The following MTA3 variants were observed in gnomAD, a reference collection of about 807,000 sequenced individuals.
MTA3 encodes metastasis associated 1 family member 3, also known as metastasis-associated protein MTA3.
A neutral mutation model predicts 83.5 loss-of-function variants in MTA3; 34 were observed. The ratio of observed to expected loss-of-function variants is 0.41; its 90% CI spans 0.31 to 0.54. The LOEUF is 0.54. MTA3 is among the 20% of genes least tolerant of loss of function. The probability of loss-of-function intolerance (pLI) is 0.33; values close to 1 mark genes in which losing one functional copy is unlikely to be tolerated. For missense variants in MTA3, 761 were observed against 726.4 expected (o/e 1.05, Z -0.55); for synonymous variants, 303 against 252.7 (o/e 1.20, Z -1.89).
At chr2:42,678,921 A>T (rs926636664) in intron 8 of MTA3, among the ~76,000 whole-genome samples, 8 of 152,142 alleles carry the variant, frequency 5.3e-5, no homozygotes, top group Admixed American at 2.0e-4. Context: ...AAGCTATTTT[A>T]AAAAAATACA....
At chr2:42,501,035 C>T (rs1274797363) in intron 2 of MTA3, among the ~76,000 whole-genome samples, 1 of 152,128 alleles carries the variant, frequency 6.6e-6, no homozygotes, top group Non-Finnish European at 1.5e-5. Context: ...TGATCTCCAT[C>T]TCCTGACCTC....
At chr2:42,533,669 T>C (rs1342933793) in intron 2 of MTA3, among the ~76,000 whole-genome samples, 1 of 149,870 alleles carries the variant, frequency 6.7e-6, no homozygotes, top group Non-Finnish European at 1.5e-5. Flanking sequence ...CCGTCTCTAC[T>C]AAAAATACAA....
chr2:42,594,730 T>TATA (rs1558473027), intron 3 of MTA3, among the ~76,000 whole-genome samples: 1 of 14,046 alleles, frequency 7.1e-5, no homozygotes, highest in Non-Finnish European at 1.3e-4. Flanking sequence ...ATATATATAT[T>TATA]TTTTTTTTTT....
chr2:42,605,789 C>T (rs1381399201), intron 3 of MTA3, among the ~76,000 whole-genome samples: 3 of 116,422 alleles, frequency 2.6e-5, no homozygotes, highest in African/African-American at 6.7e-5. Context: ...AAGGGGCGGC[C>T]GGGCAGAGGC....
chr2:42,506,214 G>A (rs551816614), intron 2 of MTA3, among the ~76,000 whole-genome samples: 4 of 152,324 alleles, frequency 2.6e-5, no homozygotes, highest in African/African-American at 9.6e-5. Context: ...GGAGGCTGAG[G>A]CAGAAGAATT....
At chr2:42,644,870 C>G (rs2104317711) in intron 6 of MTA3, among the ~76,000 whole-genome samples, 1 of 152,260 alleles carries the variant, frequency 6.6e-6, no homozygotes, top group Middle Eastern at 3.4e-3. Context: ...TGTCCCTTCC[C>G]TGCCTCTTTC....
At chr2:42,687,131 A>G (rs1692449491) in intron 9 of MTA3, among the ~76,000 whole-genome samples, 1 of 152,104 alleles carries the variant, frequency 6.6e-6, no homozygotes, top group Admixed American at 6.6e-5. Context: ...TGTCTCCACA[A>G]ACAAACAAAA....
chr2:42,619,816 T>G (rs1348133736), intron 4 of MTA3, among the ~76,000 whole-genome samples: 1 of 152,218 alleles, frequency 6.6e-6, no homozygotes, highest in Non-Finnish European at 1.5e-5. Flanking sequence ...ACCTTTTTTC[T>G]GTGTTGATTT....
intron 14 of MTA3, among the ~76,000 whole-genome samples, chr2:42,711,768 A>G (rs971804003): frequency 2.2e-4 from 9 of 41,288 alleles, no homozygotes; most frequent in Admixed American, 1.4e-3. Context: ...CTGGGAGTGT[A>G]TAGGAGAGAG....
intron 14 of MTA3, among the ~76,000 whole-genome samples, chr2:42,710,933 G>C (rs1666552722): frequency 6.6e-6 from 1 of 151,936 alleles, no homozygotes; most frequent in African/African-American, 2.4e-5. Context: ...TCAAAAATTA[G>C]CCAGGCATGG....
chr2:42,744,538 C>T (rs935467229), intron 16 of MTA3, among the ~76,000 whole-genome samples: 2 of 152,102 alleles, frequency 1.3e-5, no homozygotes, highest in African/African-American at 4.8e-5. Flanking sequence ...CCCTCTGTTC[C>T]CCTTTCCCCC....
chr2:42,613,223 A>G (rs1293092483), intron 4 of MTA3, among the ~76,000 whole-genome samples: 1 of 152,250 alleles, frequency 6.6e-6, no homozygotes, highest in Non-Finnish European at 1.5e-5. Flanking sequence ...GGAGCTTAAT[A>G]AGTGCTTGAT....
intron 8 of MTA3, among the ~76,000 whole-genome samples, chr2:42,666,716 A>G (rs183496400): frequency 6.6e-6 from 1 of 152,212 alleles, no homozygotes; most frequent in East Asian, 1.9e-4. Context: ...TTCCCTGCAT[A>G]CCAGCTTGTT....
intron 3 of MTA3, among the ~76,000 whole-genome samples, chr2:42,592,912 A>C (rs1681205566): frequency 6.6e-6 from 1 of 151,982 alleles, no homozygotes; most frequent in Admixed American, 6.6e-5. Context: ...CCACTTGGGG[A>C]GGCTGAGGTG....
At chr2:42,611,258 T>C (rs1534760) in intron 4 of MTA3, among the ~76,000 whole-genome samples, 115,989 of 151,598 alleles carry the variant, frequency 0.77, 44,918 homozygotes, top group South Asian at 0.88. Context: ...GCTGGGATTA[T>C]AGGTGTGAGC....
chr2:42,703,562 G>A (rs894155464), intron 11 of MTA3: 8 of 152,240 alleles, frequency 5.3e-5, no homozygotes, highest in Admixed American at 1.3e-4. Flanking sequence ...TTATTTTCTC[G>A]GGAGAATTTA....
intron 4 of MTA3, among the ~76,000 whole-genome samples, chr2:42,614,934 GAC>G (rs758593927): frequency 3.2e-4 from 48 of 150,534 alleles, no homozygotes; most frequent in Non-Finnish European, 4.7e-4. Flanking sequence ...CCATGATTGT[GAC>G]ACTGTACTTT....
chr2:42,750,226 T>C (rs552684950), intron 16 of MTA3, among the ~76,000 whole-genome samples: 1 of 152,214 alleles, frequency 6.6e-6, no homozygotes, highest in South Asian at 2.1e-4. Context: ...CTTGAACTTG[T>C]GATCCACCTG....
chr2:42,700,739 G>A (rs116541363), intron 11 of MTA3, among the ~76,000 whole-genome samples: 2 of 152,024 alleles, frequency 1.3e-5, no homozygotes, highest in Non-Finnish European at 2.9e-5. Context: ...ATTCTAAATC[G>A]CCACTTTTCA....
Sources: allele counts gnomAD v4.1 joint callset (sites outside exome capture counted in the v4.1 genomes callset), GRCh38; gene constraint gnomAD v4.1.1; transcripts MANE v1.5; gene names NCBI Gene and HGNC (gene_info 2026-07-23, HGNC 2026-07-21).